MSRA: variants seen among roughly 807,000 people sequenced by gnomAD.
MSRA encodes mitochondrial peptide methionine sulfoxide reductase.
Under a neutral mutation model 31.3 loss-of-function variants are expected in MSRA, and 54 were observed. The observed-to-expected ratio is 1.73, with a 90% CI of 1.39 to 2.17. The LOEUF is 2.17. Among genes scored for constraint, MSRA ranks in the 30% most tolerant of loss-of-function variants. MSRA has a pLI of 0.00. For synonymous variants in MSRA, 169 were observed against 116.5 expected, an observed-to-expected ratio of 1.45 and a Z score of -2.90; for missense variants, 507 against 300.9, an observed-to-expected ratio of 1.69 and a Z score of -5.07.
At chr8:10,347,468 C>T (rs755695062) in intron 5 of MSRA, among the ~76,000 whole-genome samples, 2 of 152,180 alleles carry the variant, frequency 1.3e-5, no homozygotes, top group Non-Finnish European at 2.9e-5. Context: ...CTGCCTTGCC[C>T]CCTGCAGCTA....
At chr8:10,260,351 G>T (rs1221506291) in intron 3 of MSRA, among the ~76,000 whole-genome samples, 1 of 152,186 alleles carries the variant, frequency 6.6e-6, no homozygotes, top group Non-Finnish European at 1.5e-5. Flanking sequence ...AGTGGAGTGA[G>T]AAAGCTGCAG....
intron 1 of MSRA, among the ~76,000 whole-genome samples, chr8:10,110,907 G>A (rs896831188): frequency 6.6e-6 from 1 of 152,296 alleles, no homozygotes; most frequent in South Asian, 2.1e-4. Context: ...ACATGGTTCA[G>A]TTACATGGTT....
intron 5 of MSRA, among the ~76,000 whole-genome samples, chr8:10,386,986 C>T (rs906496237): frequency 6.6e-6 from 1 of 151,680 alleles, no homozygotes; most frequent in Non-Finnish European, 1.5e-5. Flanking sequence ...TATTGATGTG[C>T]GTGCAGAACA....
At chr8:10,066,988 C>G (rs550973124) in intron 1 of MSRA, among the ~76,000 whole-genome samples, 1 of 151,826 alleles carries the variant, frequency 6.6e-6, no homozygotes, top group Non-Finnish European at 1.5e-5. Context: ...GCTTTAGTTA[C>G]AATTGATGAG....
At chr8:10,350,487 C>G (rs775305231) in intron 5 of MSRA, among the ~76,000 whole-genome samples, 7 of 152,370 alleles carry the variant, frequency 4.6e-5, no homozygotes, top group Middle Eastern at 3.4e-3. Context: ...GCCCTTCCTA[C>G]TCTGACATCC....
intron 3 of MSRA, among the ~76,000 whole-genome samples, chr8:10,291,984 C>T (rs148131653): frequency 5.3e-5 from 8 of 152,220 alleles, no homozygotes; most frequent in South Asian, 4.2e-4. Context: ...TGCTCAGCAC[C>T]GTGCATGGAG....
Position 10,421,333 on chromosome 8 carries a change from C to G in MSRA, c.544-6815C>G, listed in dbSNP as rs866733333. ...CCTACATTTTAGTCAATGGAAGGTT[C>G]ACGTGAATAGAGGGTGGAAGCCCTT... On this transcript the variant is annotated intron_variant, in intron 5 of 5. Coordinates refer to ENST00000317173, the MANE Select transcript of MSRA (RefSeq NM_012331.5). Among the ~76,000 whole-genome samples the G allele has an allele frequency of 2.6e-5, 4 of 152,274 alleles. No individual in the cohort carries two copies. The South Asian group carries it at 8.3e-4, about 32-fold the overall frequency.
chr8:10,355,768 A>T (rs540546862), intron 5 of MSRA, among the ~76,000 whole-genome samples: 1 of 152,274 alleles, frequency 6.6e-6, no homozygotes, highest in East Asian at 1.9e-4. Flanking sequence ...GGTGGTGGCC[A>T]GGGGTCTAGC....
At chr8:10,289,499 A>G (rs1476369897) in intron 3 of MSRA, among the ~76,000 whole-genome samples, 2 of 152,150 alleles carry the variant, frequency 1.3e-5, no homozygotes, top group African/African-American at 2.4e-5. Context: ...TCGAGCATTT[A>G]TCCTTTGTGT....
chr8:10,423,860 G>C (rs1438896229), intron 5 of MSRA, among the ~76,000 whole-genome samples: 2 of 152,228 alleles, frequency 1.3e-5, no homozygotes, highest in African/African-American at 4.8e-5. Flanking sequence ...GTGGAATCCA[G>C]AAGCAGAGAG....
At chr8:10,409,226 ATC>A (rs1228734308) in intron 5 of MSRA, among the ~76,000 whole-genome samples, 1 of 152,126 alleles carries the variant, frequency 6.6e-6, no homozygotes, top group Non-Finnish European at 1.5e-5. Context: ...CCTTGCCAAC[ATC>A]TGTTATTTTT....
intron 5 of MSRA, 86 bp from the exon 6 acceptor site, chr8:10,428,062 C>T (rs763490218): frequency 1.1e-4 from 156 of 1,462,926 alleles, no homozygotes; most frequent in Non-Finnish European, 1.4e-4. Flanking sequence ...CGTCTGCTCA[C>T]TGCAGCCCTG....
chr8:10,089,138 C>CCACACACACA (rs10566550), intron 1 of MSRA, among the ~76,000 whole-genome samples: 1 of 150,012 alleles, frequency 6.7e-6, no homozygotes, highest in African/African-American at 2.5e-5. Context: ...TGCTTTTGTC[C>CCACACACACA]CACACACACA....
intron 1 of MSRA, among the ~76,000 whole-genome samples, chr8:10,200,906 G>C (rs1808437486): frequency 6.6e-6 from 1 of 152,092 alleles, no homozygotes; most frequent in South Asian, 2.1e-4. Context: ...AGAGGACCTG[G>C]GCAGGATCAG....
chr8:10,309,635 A>G (rs1239655889), intron 4 of MSRA, among the ~76,000 whole-genome samples: 2 of 152,248 alleles, frequency 1.3e-5, no homozygotes, highest in East Asian at 3.9e-4. Flanking sequence ...CGTGGGCTGC[A>G]CCGTCTATGC....
intron 1 of MSRA, among the ~76,000 whole-genome samples, chr8:10,072,636 CT>C (rs917527962): frequency 6.6e-6 from 1 of 152,208 alleles, no homozygotes; most frequent in African/African-American, 2.4e-5. Context: ...AATAAACTCT[CT>C]GTCAACAGAA....
intron 5 of MSRA, among the ~76,000 whole-genome samples, chr8:10,415,607 C>T (rs1808411830): frequency 6.6e-6 from 1 of 152,110 alleles, no homozygotes; most frequent in Non-Finnish European, 1.5e-5. Context: ...TCCATCTTTT[C>T]CTGTGGTTGA....
intron 2 of MSRA, among the ~76,000 whole-genome samples, chr8:10,233,107 A>C (rs913344278): frequency 5.9e-5 from 9 of 152,216 alleles, no homozygotes; most frequent in Non-Finnish European, 1.2e-4. Context: ...AATATTTTGT[A>C]AGGAACAATT....
chr8:10,096,280 T>C, intron 1 of MSRA: 1 of 1,153,638 alleles, frequency 8.7e-7, no homozygotes, highest in Non-Finnish European at 1.1e-6. Flanking sequence ...AAAGGCAAGC[T>C]GAAGACACCA....
Sources: allele counts gnomAD v4.1 joint callset (sites outside exome capture counted in the v4.1 genomes callset), GRCh38; gene constraint gnomAD v4.1.1; transcripts MANE v1.5; gene names NCBI Gene and HGNC (gene_info 2026-07-23, HGNC 2026-07-21).